The following ACADL variants were observed in gnomAD, a reference collection of about 807,000 sequenced individuals.
The protein encoded by ACADL is long-chain specific acyl-CoA dehydrogenase, mitochondrial.
A neutral mutation model predicts 56.9 loss-of-function variants in ACADL; 60 were observed. The ratio of observed to expected loss-of-function variants is 1.05; its 90% CI spans 0.86 to 1.31. The LOEUF is 1.31. Ranked by LOEUF, ACADL falls within the 50% of genes most tolerant of loss-of-function variation. ACADL has a pLI of 0.00. For missense variants in ACADL, 484 were observed against 525.5 expected, an observed-to-expected ratio of 0.92 and a Z score of 0.77; for synonymous variants, 158 against 179.7, an observed-to-expected ratio of 0.88 and a Z score of 0.97.
At chr2:210,224,138 C>G (rs1689226756) in intron 1 of ACADL, among the ~76,000 whole-genome samples, 1 of 143,360 alleles carries the variant, frequency 7.0e-6, no homozygotes, top group African/African-American at 2.6e-5. Context: ...AGGAGAATTG[C>G]TTGAACACGG....
At chr2:210,224,286 G>A in intron 1 of ACADL, 1 of 317,700 alleles carries the variant, frequency 3.1e-6, no homozygotes, top group Non-Finnish European at 4.5e-6. Context: ...CCAAGGAAGA[G>A]TTAAGTATGT....
chr2:210,197,937 C>T (rs1242414814), intron 8 of ACADL, among the ~76,000 whole-genome samples: 1 of 152,110 alleles, frequency 6.6e-6, no homozygotes, highest in Non-Finnish European at 1.5e-5. Context: ...TTTACATATT[C>T]TTGCCATTGG....
At chr2:210,207,364 T>C (rs550453635) in intron 5 of ACADL, among the ~76,000 whole-genome samples, 1 of 152,274 alleles carries the variant, frequency 6.6e-6, no homozygotes, top group Admixed American at 6.5e-5. Flanking sequence ...TACCTCTCCT[T>C]ACCTGGCTTA....
chr2:210,198,740 A>G (rs1431128937), intron 8 of ACADL, among the ~76,000 whole-genome samples: 3 of 152,134 alleles, frequency 2.0e-5, no homozygotes, highest in East Asian at 1.9e-4. Flanking sequence ...TAAAATACTT[A>G]TATAGATTTG....
chr2:210,212,995 G>A (rs1454139243), intron 4 of ACADL, among the ~76,000 whole-genome samples: 1 of 152,098 alleles, frequency 6.6e-6, no homozygotes, highest in Admixed American at 6.5e-5. Context: ...AACTGTTTGC[G>A]CAAACAATTT....
chr2:210,205,739 G>A lies in ACADL; in HGVS notation c.661C>T (p.His221Tyr), dbSNP rs534447533. Reference sequence around the variant, plus strand: ...CCATGGGCAGGGGAGGGAGCTTCATGATTTGTGACCGCAACTACAATCACA... The same window carrying A: ...CCATGGGCAGGGGAGGGAGCTTCATAATTTGTGACCGCAACTACAATCACA... ...DVVIVVAVTNHEAPSPAHGIS... is the reference protein window; with the variant it reads ...DVVIVVAVTNYEAPSPAHGIS... The change falls in exon 6 of 11, where the codon CAT becomes TAT. Residue 221 changes from histidine (H) to tyrosine (Y), a missense_variant. Coordinates refer to ENST00000233710, the MANE Select transcript of ACADL (RefSeq NM_001608.4). 1 of 1,613,978 alleles carries A rather than the reference G, an allele frequency of 6.2e-7. No individual in the cohort carries two copies. The highest frequency in any genetic ancestry group is 1.7e-5 in the Admixed American group (1 of 59,990).
chr2:210,223,868 A>G (rs1015584211), intron 1 of ACADL, among the ~76,000 whole-genome samples: 1 of 152,218 alleles, frequency 6.6e-6, no homozygotes, highest in Non-Finnish European at 1.5e-5. Flanking sequence ...TCAGTTATGT[A>G]GATACCTTTC....
intron 1 of ACADL, chr2:210,224,322 G>T: frequency 1.1e-6 from 1 of 876,576 alleles, no homozygotes; most frequent in Non-Finnish European, 1.4e-6. Context: ...CACCTTCTCA[G>T]TGACGTCTTC....
intron 9 of ACADL, among the ~76,000 whole-genome samples, chr2:210,193,353 T>A (rs1181138934): frequency 6.6e-6 from 1 of 152,150 alleles, no homozygotes; most frequent in Non-Finnish European, 1.5e-5. Flanking sequence ...AAAAAAGCAA[T>A]TTTTTAGGGT....
At chr2:210,220,443 C>T (rs1196046710) in intron 2 of ACADL, among the ~76,000 whole-genome samples, 1 of 152,080 alleles carries the variant, frequency 6.6e-6, no homozygotes, top group African/African-American at 2.4e-5. Flanking sequence ...TTCAAATTTT[C>T]TTATTTGTGT....
chr2:210,211,893 C>T (rs1688988721), intron 4 of ACADL, among the ~76,000 whole-genome samples: 1 of 148,402 alleles, frequency 6.7e-6, no homozygotes, highest in African/African-American at 2.5e-5. Context: ...TGCAATGGCA[C>T]AATCTTGGTT....
intron 4 of ACADL, among the ~76,000 whole-genome samples, chr2:210,213,193 T>G (rs1689016094): frequency 6.6e-6 from 1 of 152,166 alleles, no homozygotes; most frequent in Admixed American, 6.6e-5. Flanking sequence ...TGTCTGTACA[T>G]AGTTTATTAA....
At chr2:210,224,952 G>A in intron 1 of ACADL, 5 of 1,351,044 alleles carry the variant, frequency 3.7e-6, no homozygotes, top group Non-Finnish European at 3.8e-6. Flanking sequence ...ACGTGGGCTC[G>A]GCGGTCTGTT....
chr2:210,214,477 A>AAGAAAGAAAGAAAGAAAGAAAG (rs1689042097), intron 4 of ACADL, among the ~76,000 whole-genome samples: 2 of 147,484 alleles, frequency 1.4e-5, no homozygotes, highest in Admixed American at 6.7e-5. Context: ...AAAAGAAAGA[A>AAGAAAGAAAGAAAGAAAGAAAG]AGAAAGAAAG....
At chr2:210,221,202 A>G (rs926558920) in intron 1 of ACADL, among the ~76,000 whole-genome samples, 7 of 152,200 alleles carry the variant, frequency 4.6e-5, no homozygotes, top group African/African-American at 1.7e-4. Context: ...AAAATAATGC[A>G]AAGCCTCCAA....
chr2:210,204,028 T>G (rs1306009530), intron 7 of ACADL, among the ~76,000 whole-genome samples: 1 of 152,186 alleles, frequency 6.6e-6, no homozygotes, highest in Non-Finnish European at 1.5e-5. Flanking sequence ...AAAAGTAGCC[T>G]TAGTCAGTTT....
At chr2:210,223,724 T>C (rs1689215053) in intron 1 of ACADL, among the ~76,000 whole-genome samples, 1 of 152,212 alleles carries the variant, frequency 6.6e-6, no homozygotes, top group South Asian at 2.1e-4. Context: ...GTTGTAAAAA[T>C]GTAAAACAAT....
At chr2:210,206,824 C>T (rs2125713297) in intron 5 of ACADL, among the ~76,000 whole-genome samples, 1 of 152,172 alleles carries the variant, frequency 6.6e-6, no homozygotes, top group African/African-American at 2.4e-5. Context: ...GTCTCTCTCA[C>T]CCAGGCTGGA....
At chr2:210,192,706 T>A in intron 10 of ACADL, 98 bp downstream of exon 10, 1 of 925,874 alleles carries the variant, frequency 1.1e-6, no homozygotes, top group African/African-American at 1.6e-5. Flanking sequence ...TTCAAAAGAT[T>A]GCACACCTCC....
Sources: gnomAD v4.1 joint callset for allele counts (sites outside exome capture counted in the v4.1 genomes callset) on GRCh38, gnomAD v4.1.1 for gene constraint, MANE v1.5 for transcripts, NCBI Gene and HGNC (gene_info 2026-07-23, HGNC 2026-07-21) for gene names.